The following PCNX2 variants were observed in gnomAD, a reference collection of about 807,000 sequenced individuals.
PCNX2 encodes the protein pecanex-like protein 2.
Under a neutral mutation model 223.8 loss-of-function variants are expected in PCNX2, and 168 were observed. The observed-to-expected ratio is 0.75, with a 90% confidence interval of 0.66 to 0.85. PCNX2 has a LOEUF of 0.85. PCNX2 is among the 40% of genes least tolerant of loss of function. The pLI, the probability that PCNX2 is intolerant of heterozygous loss-of-function variation, is 0.00. For missense variants in PCNX2, 2,507 were observed against 2,675.5 expected (o/e 0.94, Z 1.39); for synonymous variants, 1,006 against 1,052.6 (o/e 0.96, Z 0.86).
At chr1:233,138,629 T>A (rs1676941283) in intron 20 of PCNX2, among the ~76,000 whole-genome samples, 1 of 152,188 alleles carries the variant, frequency 6.6e-6, no homozygotes, top group Admixed American at 6.5e-5. Context: ...TTAAACTGTA[T>A]AAGGGGTCTG....
At chr1:233,031,166 T>A (rs1671248953) in intron 25 of PCNX2, among the ~76,000 whole-genome samples, 1 of 152,244 alleles carries the variant, frequency 6.6e-6, no homozygotes, top group Non-Finnish European at 1.5e-5. Context: ...ATTAATGTAA[T>A]TTTTCAGTTT....
At chr1:233,215,574 C>G (rs1362850783) in intron 12 of PCNX2, among the ~76,000 whole-genome samples, 1 of 152,180 alleles carries the variant, frequency 6.6e-6, no homozygotes, top group African/African-American at 2.4e-5. Context: ...TTGCCATCCA[C>G]CTTTACTGGG....
intron 15 of PCNX2, among the ~76,000 whole-genome samples, chr1:233,195,883 C>A (rs547945914): frequency 3.3e-5 from 5 of 152,198 alleles, no homozygotes; most frequent in Admixed American, 6.5e-5. Flanking sequence ...ATAATCCCAA[C>A]GAAAATTTTT....
chr1:233,147,862 T>G (rs575817964), intron 19 of PCNX2, among the ~76,000 whole-genome samples: 2 of 152,284 alleles, frequency 1.3e-5, no homozygotes, highest in Admixed American at 1.3e-4. Flanking sequence ...CAAAGCAAGA[T>G]GATAGCTATA....
At chr1:233,243,436 G>A (rs941639214) in intron 8 of PCNX2, among the ~76,000 whole-genome samples, 4 of 152,094 alleles carry the variant, frequency 2.6e-5, no homozygotes, top group African/African-American at 9.7e-5. Context: ...CAAAGTTTAT[G>A]TTTGTTTACT....
chr1:233,288,804 C>CTTTTTTT, intron 1 of PCNX2: 2 of 432,760 alleles, frequency 4.6e-6, no homozygotes, highest in Admixed American at 4.0e-5. Flanking sequence ...GAAAGATGCC[C>CTTTTTTT]TTTTTTTTTT....
rs371499433 is a variant in PCNX2 at position 233,259,133 on chromosome 1, G to A, written c.729C>T (p.Ser243=). 27 of 1,613,848 alleles carry A rather than the reference G, an allele frequency of 1.7e-5. No homozygotes were observed. Among genetic ancestry groups the A allele is most frequent in the African/African-American group, 1.3e-4 (10 of 74,916 alleles). Residue 243 remains serine, a synonymous_variant, in exon 5 of 34, where the codon TCC becomes TCT. Transcript: ENST00000258229. ...GKGQPPLRHR[S]EGGLVDKGPL... ...GTCCCTTATCCACTAAGCCACCCTC[G>A]GATCTGTGGCGCAAAGGAGGCTGCC...
At chr1:233,111,357 T>C (rs1434620535) in intron 21 of PCNX2, among the ~76,000 whole-genome samples, 1 of 152,226 alleles carries the variant, frequency 6.6e-6, no homozygotes, top group Non-Finnish European at 1.5e-5. Context: ...TACTCATAAA[T>C]ACAGGTTATT....
At chr1:233,326,755 C>A in the PCNX2 span, among the ~76,000 whole-genome samples, 26 of 152,148 alleles carry the variant, frequency 1.7e-4, no homozygotes, top group Admixed American at 1.7e-3. Context: ...ACAGGATAAT[C>A]TAATATTTTA....
rs774751417 is a variant in PCNX2, at chr1:233,261,140, TAAAG to T, written c.517+141_517+144del. 1.9e-4 allele frequency: 139 copies of T among 723,584 alleles called. No individual in the cohort carries two copies. In the Admixed American group the frequency reaches 2.1e-3, roughly 11 times the overall value. 44.8% of individuals were successfully genotyped at this position (723,584 alleles called of 1,614,324 possible). ...ATGAGAAAAAATTAAAATTAAGAGT[TAAAG>T]AAACAAAGTCAAAATATAACTATGC... On this transcript the variant is annotated intron_variant, in intron 4 of 33. Transcript: ENST00000258229.
intron 15 of PCNX2, among the ~76,000 whole-genome samples, chr1:233,181,623 A>G (rs1323164124): frequency 6.6e-6 from 1 of 152,182 alleles, no homozygotes; most frequent in East Asian, 1.9e-4. Context: ...GGTGGCTTAT[A>G]AACCACAGAA....
chr1:233,160,206 T>C (rs1678380082), intron 19 of PCNX2, 77 bp downstream of exon 19: 2 of 1,466,062 alleles, frequency 1.4e-6, no homozygotes, highest in Middle Eastern at 2.2e-4. Context: ...ACATTCAGAC[T>C]GTTGCACATG....
the PCNX2 span, among the ~76,000 whole-genome samples, chr1:233,325,871 T>C: frequency 1.3e-5 from 2 of 152,236 alleles, no homozygotes; most frequent in Non-Finnish European, 1.5e-5. Context: ...AGTTCTATTG[T>C]TGTTAAAATG....
intron 19 of PCNX2, among the ~76,000 whole-genome samples, chr1:233,144,953 G>GTTTTTTTTTTTTTTTTTTT (rs71173252): frequency 7.3e-6 from 1 of 137,122 alleles, no homozygotes. Flanking sequence ...TTGTTGTTTT[G>GTTTTTTTTTTTTTTTTTTT]TTTTTTTTTT....
chr1:233,225,779 A>G (rs994256390), intron 10 of PCNX2, among the ~76,000 whole-genome samples: 1 of 152,230 alleles, frequency 6.6e-6, no homozygotes, highest in African/African-American at 2.4e-5. Context: ...TCTTTTTAAC[A>G]GAAAATAATT....
rs572781808 is a variant in PCNX2 at position 232,991,874 on chromosome 1, A to G, written c.5792-5334T>C. Among the ~76,000 whole-genome samples, 287 of 152,256 alleles carry G rather than the reference A, an allele frequency of 1.9e-3. No individual in the cohort carries two copies. The highest frequency in any genetic ancestry group is 6.6e-3 in the African/African-American group (273 of 41,540). ...GCAGACAGTAGGTTCATGCTGTTTA[A>G]GCCACCTGAGCCATGGTACTTTGTC... On this transcript the variant is annotated intron_variant, in intron 32 of 33. Coordinates refer to ENST00000258229, the MANE Select transcript of PCNX2 (RefSeq NM_014801.4). The surrounding 1 kb of genome is among the most constrained non-coding windows in gnomAD (Gnocchi z 4.3).
chr1:233,049,734 G>A (rs551443557), intron 25 of PCNX2, among the ~76,000 whole-genome samples: 6 of 152,144 alleles, frequency 3.9e-5, no homozygotes, highest in South Asian at 4.1e-4. Flanking sequence ...AAAGCCTTCC[G>A]GAATTGATAA....
At chr1:233,051,578 A>T (rs1672008452) in intron 25 of PCNX2, among the ~76,000 whole-genome samples, 1 of 152,208 alleles carries the variant, frequency 6.6e-6, no homozygotes, top group African/African-American at 2.4e-5. Flanking sequence ...CATTATCCTA[A>T]GCAAATTAAT....
At chr1:233,279,493 C>G (rs1285990325) in intron 1 of PCNX2, among the ~76,000 whole-genome samples, 2 of 151,368 alleles carry the variant, frequency 1.3e-5, no homozygotes, top group Non-Finnish European at 2.9e-5. Context: ...CTATGTTGTT[C>G]AGGCTGGATT....
Sources: allele counts gnomAD v4.1 joint callset (sites outside exome capture counted in the v4.1 genomes callset), GRCh38; gene constraint gnomAD v4.1.1; non-coding constraint Gnocchi (gnomAD v3.1); transcripts MANE v1.5; gene names NCBI Gene and HGNC (gene_info 2026-07-23, HGNC 2026-07-21).